The following PRR16 variants were observed in gnomAD, a reference collection of about 807,000 sequenced individuals.
PRR16 encodes the protein protein Largen.
In PRR16, 6 loss-of-function variants were observed where a neutral mutation model predicts 18.2. The observed-to-expected ratio is 0.33, with a 90% CI of 0.18 to 0.65. The LOEUF is 0.65. Among genes scored for constraint, PRR16 ranks in the 30% least tolerant of loss-of-function variants. PRR16 has a pLI of 0.74. For missense variants in PRR16, 412 were observed against 376.6 expected, an observed-to-expected ratio of 1.09 and a Z score of -0.78; for synonymous variants, 151 against 147.8, an observed-to-expected ratio of 1.02 and a Z score of -0.16.
At chr5:120,495,037 C>G (rs2112833821) in intron 1 of PRR16, among the ~76,000 whole-genome samples, 1 of 152,044 alleles carries the variant, frequency 6.6e-6, no homozygotes, top group African/African-American at 2.4e-5. Context: ...CCACTATATT[C>G]TTTTTCAAAA....
chr5:120,736,392 GTA>G, the PRR16 span, among the ~76,000 whole-genome samples: 2 of 152,178 alleles, frequency 1.3e-5, no homozygotes, highest in Admixed American at 1.3e-4. Context: ...AGCCTCCCGA[GTA>G]GCTGAAATTA....
chr5:120,761,453 G>A, the PRR16 span, among the ~76,000 whole-genome samples: 8 of 152,028 alleles, frequency 5.3e-5, no homozygotes, highest in South Asian at 4.1e-4. Flanking sequence ...GGAACATAAC[G>A]GAAATGCCCG....
chr5:120,661,370 C>A (rs1231848701), intron 1 of PRR16, among the ~76,000 whole-genome samples: 1 of 152,042 alleles, frequency 6.6e-6, no homozygotes, highest in Non-Finnish European at 1.5e-5. Context: ...GCTCCTTTTG[C>A]TTGGTTCCAT....
chr5:120,742,941 C>G, the PRR16 span, among the ~76,000 whole-genome samples: 7 of 152,234 alleles, frequency 4.6e-5, no homozygotes, highest in Admixed American at 4.6e-4. Context: ...GTGCTTCCAT[C>G]ATAACAGCTT....
At chr5:120,709,156 C>T in the PRR16 span, among the ~76,000 whole-genome samples, 45 of 151,052 alleles carry the variant, frequency 3.0e-4, no homozygotes, top group African/African-American at 8.5e-4. Context: ...TACAGGCGCC[C>T]GTCACCACGC....
At chr5:120,604,154 T>A (rs1030422976) in intron 1 of PRR16, among the ~76,000 whole-genome samples, 2 of 152,008 alleles carry the variant, frequency 1.3e-5, no homozygotes, top group Non-Finnish European at 2.9e-5. Flanking sequence ...GTCAGTGGAG[T>A]TTGAAGTCTC....
At chr5:120,546,442 T>G (rs564465174) in intron 1 of PRR16, among the ~76,000 whole-genome samples, 13 of 152,224 alleles carry the variant, frequency 8.5e-5, no homozygotes, top group Non-Finnish European at 1.2e-4. Context: ...TAGAAGATTC[T>G]TGATTGCCTG....
the PRR16 span, among the ~76,000 whole-genome samples, chr5:120,778,459 A>G: frequency 2.0e-5 from 3 of 152,248 alleles, no homozygotes; most frequent in Non-Finnish European, 4.4e-5. Flanking sequence ...TAAGTTGTAT[A>G]TATTTTATTT....
At chr5:120,502,789 CTG>C (rs1210909345) in intron 1 of PRR16, among the ~76,000 whole-genome samples, 1 of 152,166 alleles carries the variant, frequency 6.6e-6, no homozygotes, top group African/African-American at 2.4e-5. Context: ...GAGTAATAGA[CTG>C]TCTCATAACT....
chr5:120,725,302 G>GTTTTTTTTTTTTTTTTT, the PRR16 span, among the ~76,000 whole-genome samples: 1 of 136,124 alleles, frequency 7.3e-6, no homozygotes. Flanking sequence ...ATTTGATGTT[G>GTTTTTTTTTTTTTTTTT]TTTTTTTTTT....
the PRR16 span, among the ~76,000 whole-genome samples, chr5:120,749,164 T>A: frequency 6.6e-6 from 1 of 152,088 alleles, no homozygotes; most frequent in Non-Finnish European, 1.5e-5. Context: ...TTAAACTCAT[T>A]TTCATAGAAA....
chr5:120,615,384 C>CTTTT (rs10717083), intron 1 of PRR16, among the ~76,000 whole-genome samples: 8 of 119,422 alleles, frequency 6.7e-5, no homozygotes, highest in East Asian at 2.7e-4. Context: ...TCTTTCTTTT[C>CTTTT]TTTTTTTTTT....
At chr5:120,471,103 T>A (rs761586676) in intron 1 of PRR16, among the ~76,000 whole-genome samples, 2 of 152,132 alleles carry the variant, frequency 1.3e-5, no homozygotes, top group Non-Finnish European at 2.9e-5. Context: ...TGCTGTGTAG[T>A]TTATTATCTT....
At chr5:120,511,111 C>T (rs373712217) in intron 1 of PRR16, among the ~76,000 whole-genome samples, 8 of 152,058 alleles carry the variant, frequency 5.3e-5, no homozygotes, top group East Asian at 1.9e-4. Context: ...AAATGTGTAA[C>T]GAGAAATAGC....
the PRR16 span, among the ~76,000 whole-genome samples, chr5:120,777,043 A>G: frequency 6.6e-6 from 1 of 152,056 alleles, no homozygotes; most frequent in South Asian, 2.1e-4. Flanking sequence ...TAAAACAACA[A>G]CAACAACTTC....
At chr5:120,609,801 G>C (rs1257324786) in intron 1 of PRR16, among the ~76,000 whole-genome samples, 2 of 152,148 alleles carry the variant, frequency 1.3e-5, no homozygotes, top group Admixed American at 6.5e-5. Context: ...TCTCTGGACT[G>C]TTTCTGGAAT....
the PRR16 span, among the ~76,000 whole-genome samples, chr5:120,735,232 T>C: frequency 6.6e-6 from 1 of 152,218 alleles, no homozygotes; most frequent in Non-Finnish European, 1.5e-5. Flanking sequence ...ATTATATGTA[T>C]ATACCAGAGT....
chr5:120,730,574 G>A, the PRR16 span, among the ~76,000 whole-genome samples: 1 of 152,088 alleles, frequency 6.6e-6, no homozygotes, highest in African/African-American at 2.4e-5. Flanking sequence ...GGAATAACTG[G>A]CTCTTCAGAG....
intron 1 of PRR16, among the ~76,000 whole-genome samples, chr5:120,495,030 C>T (rs1235741158): frequency 1.3e-5 from 2 of 151,978 alleles, no homozygotes; most frequent in African/African-American, 4.8e-5. Flanking sequence ...ATTCTTCCCA[C>T]TATATTCTTT....
Sources: gnomAD v4.1 joint callset for allele counts (sites outside exome capture counted in the v4.1 genomes callset) on GRCh38, gnomAD v4.1.1 for gene constraint, MANE v1.5 for transcripts, NCBI Gene and HGNC (gene_info 2026-07-23, HGNC 2026-07-21) for gene names.